The following RGS7 variants were observed in gnomAD, a reference collection of about 807,000 sequenced individuals.
The protein encoded by RGS7 is regulator of G-protein signaling 7.
RGS7 carries 27 observed loss-of-function variants against 81.1 expected under a neutral mutation model. The observed-to-expected ratio is 0.33, with a 90% confidence interval of 0.25 to 0.46. The LOEUF is 0.46. Ranked by LOEUF, RGS7 falls within the 20% of genes least tolerant of loss-of-function variation. The pLI, the probability that RGS7 is intolerant of heterozygous loss-of-function variation, is 1.00. For synonymous variants in RGS7, 208 were observed against 207.7 expected (o/e 1.00, Z -0.01); for missense variants, 396 against 607.4 (o/e 0.65, Z 3.66).
chr1:241,345,295 C>T (rs1456685775), intron 2 of RGS7, among the ~76,000 whole-genome samples: 3 of 152,128 alleles, frequency 2.0e-5, no homozygotes, highest in Non-Finnish European at 4.4e-5. Context: ...TATAACTATG[C>T]TTAATACCCG....
chr1:240,877,252 T>A (rs1287731447), intron 6 of RGS7, among the ~76,000 whole-genome samples: 1 of 150,324 alleles, frequency 6.7e-6, no homozygotes, highest in Non-Finnish European at 1.5e-5. Context: ...AAGTAAAAAA[T>A]ATACAGTAAA....
intron 9 of RGS7, among the ~76,000 whole-genome samples, chr1:240,840,215 C>T (rs779090602): frequency 1.3e-5 from 2 of 152,112 alleles, no homozygotes; most frequent in African/African-American, 4.8e-5. Context: ...AAAGGGCTCT[C>T]GTCATGCTCA....
intron 4 of RGS7, among the ~76,000 whole-genome samples, chr1:240,939,949 A>G (rs1677294024): frequency 6.6e-6 from 1 of 152,096 alleles, no homozygotes; most frequent in African/African-American, 2.4e-5. Flanking sequence ...GCATGGTGGC[A>G]GGCATCTGTA....
chr1:240,964,526 A>G, intron 4 of RGS7, among the ~76,000 whole-genome samples: 1 of 152,138 alleles, frequency 6.6e-6, no homozygotes, highest in Non-Finnish European at 1.5e-5. Context: ...AGCATTTGTG[A>G]GTTGTAGTGT....
At chr1:241,082,710 G>A (rs551599875) in intron 3 of RGS7, among the ~76,000 whole-genome samples, 2 of 152,244 alleles carry the variant, frequency 1.3e-5, no homozygotes, top group South Asian at 4.1e-4. Flanking sequence ...ATAGTTAGAA[G>A]AGAAGAATTG....
At chr1:241,015,787 C>A (rs918093254) in intron 3 of RGS7, among the ~76,000 whole-genome samples, 11 of 152,140 alleles carry the variant, frequency 7.2e-5, no homozygotes, top group Non-Finnish European at 1.2e-4. Flanking sequence ...TAAGTATATT[C>A]TCTTTCCAGT....
At chr1:241,012,831 AG>A (rs1271711893) in intron 3 of RGS7, among the ~76,000 whole-genome samples, 1 of 152,154 alleles carries the variant, frequency 6.6e-6, no homozygotes, top group Non-Finnish European at 1.5e-5. Context: ...GGACTTTTAA[AG>A]GTCTAGCAGA....
At chr1:240,832,025 T>C (rs982508810) in intron 9 of RGS7, among the ~76,000 whole-genome samples, 7 of 152,200 alleles carry the variant, frequency 4.6e-5, no homozygotes, top group African/African-American at 7.2e-5. Flanking sequence ...TAAGCAATTT[T>C]TCAATCTCGA....
intron 2 of RGS7, among the ~76,000 whole-genome samples, chr1:241,224,830 G>A (rs766937225): frequency 1.3e-5 from 2 of 152,174 alleles, no homozygotes; most frequent in Admixed American, 6.5e-5. Flanking sequence ...GGTCCACTAC[G>A]CTTTGGTATT....
intron 5 of RGS7, among the ~76,000 whole-genome samples, chr1:240,932,617 T>C (rs1337916650): frequency 6.8e-6 from 1 of 148,130 alleles, no homozygotes; most frequent in Non-Finnish European, 1.5e-5. Context: ...CACGCCATTC[T>C]CCTGCCTCAG....
chr1:241,166,924 G>A (rs2070303504), intron 2 of RGS7, among the ~76,000 whole-genome samples: 2 of 152,098 alleles, frequency 1.3e-5, no homozygotes, highest in African/African-American at 4.8e-5. Context: ...GCCAGCGATG[G>A]GAATCTGTTA....
At chr1:240,987,031 C>A (rs992937306) in intron 3 of RGS7, among the ~76,000 whole-genome samples, 3 of 152,198 alleles carry the variant, frequency 2.0e-5, no homozygotes, top group African/African-American at 7.2e-5. Context: ...CTGTCCTAAG[C>A]CTGTATTACT....
intron 2 of RGS7, among the ~76,000 whole-genome samples, chr1:241,326,576 T>A (rs1341894713): frequency 6.6e-6 from 1 of 152,052 alleles, no homozygotes; most frequent in Non-Finnish European, 1.5e-5. Flanking sequence ...TTTAAAAACA[T>A]GGAACACCAA....
chr1:240,848,242 A>G (rs1659453876), intron 9 of RGS7, among the ~76,000 whole-genome samples: 1 of 152,224 alleles, frequency 6.6e-6, no homozygotes, highest in Non-Finnish European at 1.5e-5. Context: ...TTGCAAAAGT[A>G]TAAAACAGTT....
intron 3 of RGS7, among the ~76,000 whole-genome samples, chr1:241,041,988 A>C (rs2060645943): frequency 6.6e-6 from 1 of 152,170 alleles, no homozygotes; most frequent in Non-Finnish European, 1.5e-5. Context: ...GTAAATGAGG[A>C]AGGCGAGACA....
In RGS7 at chr1:240,973,575, T is replaced by C. The variant is rs185626499; in HGVS notation, c.226+9504A>G. 2.7e-3 allele frequency among the ~76,000 whole-genome samples: 415 copies of C among 152,214 alleles called. 1 individual carries two copies. Among genetic ancestry groups the C allele is most frequent in the African/African-American group, 9.7e-3 (403 of 41,538 alleles). On this transcript the variant is annotated intron_variant, in intron 4 of 18. Coordinates refer to ENST00000440928, the MANE Select transcript of RGS7 (RefSeq NM_001364886.1). Reference sequence around the variant, plus strand: ...TAAAACACTTTATAAGTCCAAAACATTATCAAAGATAACAGAGACATTCTT... The same window carrying C: ...TAAAACACTTTATAAGTCCAAAACACTATCAAAGATAACAGAGACATTCTT...
At chr1:241,249,797 C>T (rs1420008695) in intron 2 of RGS7, among the ~76,000 whole-genome samples, 1 of 152,094 alleles carries the variant, frequency 6.6e-6, no homozygotes, top group African/African-American at 2.4e-5. Context: ...AGTACTGCTG[C>T]TTGTAACAGA....
At position 241,207,114 on chromosome 1, in the gene RGS7, G is replaced by A. The variant is rs1430425603; in HGVS notation, c.79-108352C>T. On this transcript the variant is annotated intron_variant, in intron 2 of 18. Coordinates refer to ENST00000440928, the MANE Select transcript of RGS7 (RefSeq NM_001364886.1). ...CTCCCGAGTAGCTGGGACTACAGGTGCCCACCACCACGCCCGGCTAATTTT... is the reference window on the plus strand; with the variant it reads ...CTCCCGAGTAGCTGGGACTACAGGTACCCACCACCACGCCCGGCTAATTTT... Among the ~76,000 whole-genome samples the A allele has an allele frequency of 6.6e-5, 10 of 151,144 alleles. No homozygotes were observed. In the South Asian group the frequency reaches 1.7e-3, roughly 25 times the overall value.
At chr1:241,037,375 C>T (rs1252789967) in intron 3 of RGS7, among the ~76,000 whole-genome samples, 1 of 152,084 alleles carries the variant, frequency 6.6e-6, no homozygotes, top group African/African-American at 2.4e-5. Flanking sequence ...ATATTTATAA[C>T]AGCATAATTC....
Sources: gnomAD v4.1 joint callset for allele counts (sites outside exome capture counted in the v4.1 genomes callset) on GRCh38, gnomAD v4.1.1 for gene constraint, MANE v1.5 for transcripts, NCBI Gene and HGNC (gene_info 2026-07-23, HGNC 2026-07-21) for gene names.